FNDC3A: variants seen among roughly 807,000 people sequenced by gnomAD.
FNDC3A encodes fibronectin type-III domain-containing protein 3A.
Under a neutral mutation model 148.9 loss-of-function variants are expected in FNDC3A, and 32 were observed. That is an observed-to-expected ratio of 0.21 (90% CI 0.16 to 0.29). The LOEUF (loss-of-function observed/expected upper bound fraction) is 0.29, where lower values mean the gene tolerates loss of function less well. Among genes scored for constraint, FNDC3A ranks in the 10% least tolerant of loss-of-function variants. The probability of loss-of-function intolerance (pLI) is 1.00; values close to 1 mark genes in which losing one functional copy is unlikely to be tolerated. For synonymous variants in FNDC3A, 472 were observed against 473.6 expected (o/e 1.00, Z 0.04); for missense variants, 1,191 against 1,452.8 (o/e 0.82, Z 2.93).
intron 3 of FNDC3A, among the ~76,000 whole-genome samples, chr13:49,075,617 A>G (rs1388757095): frequency 6.6e-6 from 1 of 152,148 alleles, no homozygotes; most frequent in Non-Finnish European, 1.5e-5. Context: ...AGCAATCTTT[A>G]TCAAATCTAG....
intron 3 of FNDC3A, chr13:49,110,217 C>A (rs563389435): frequency 1.4e-5 from 9 of 631,206 alleles, no homozygotes; most frequent in Admixed American, 4.1e-5. Context: ...TTTTTTTCCC[C>A]CTTGCCCTTT....
intron 2 of FNDC3A, among the ~76,000 whole-genome samples, chr13:49,010,904 C>G (rs1052466803): frequency 1.3e-5 from 2 of 151,428 alleles, no homozygotes; most frequent in South Asian, 2.1e-4. Flanking sequence ...CTTGGTTTAA[C>G]TATTCTTTTG....
At chr13:49,073,527 C>A (rs1293863965) in intron 2 of FNDC3A, among the ~76,000 whole-genome samples, 1 of 151,702 alleles carries the variant, frequency 6.6e-6, no homozygotes, top group Non-Finnish European at 1.5e-5. Context: ...GGTCATATGA[C>A]AGGTTACAAT....
chr13:49,060,333 T>G (rs1876575430), intron 2 of FNDC3A, among the ~76,000 whole-genome samples: 1 of 152,158 alleles, frequency 6.6e-6, no homozygotes, highest in South Asian at 2.1e-4. Flanking sequence ...TACAATGGAA[T>G]GTTATTTAGC....
chr13:48,997,059 G>A (rs949764658), intron 1 of FNDC3A, among the ~76,000 whole-genome samples: 5 of 147,478 alleles, frequency 3.4e-5, no homozygotes, highest in Non-Finnish European at 6.0e-5. Flanking sequence ...GCGAGACTCC[G>A]TCTCAAGAAA....
At chr13:49,049,654 T>A (rs1875681245) in intron 2 of FNDC3A, among the ~76,000 whole-genome samples, 1 of 152,214 alleles carries the variant, frequency 6.6e-6, no homozygotes, top group East Asian at 1.9e-4. Context: ...TCAGTAGTAA[T>A]AGCTCCTGTT....
chr13:49,007,317 G>A (rs576023851), intron 2 of FNDC3A, among the ~76,000 whole-genome samples: 5 of 152,076 alleles, frequency 3.3e-5, no homozygotes, highest in Admixed American at 6.5e-5. Context: ...AGAAAGTGTT[G>A]TGTCCTGGTT....
intron 1 of FNDC3A, among the ~76,000 whole-genome samples, chr13:48,991,183 AT>A (rs1951909100): frequency 6.6e-6 from 1 of 152,208 alleles, no homozygotes; most frequent in Non-Finnish European, 1.5e-5. Flanking sequence ...AGACCCAAAT[AT>A]TTCACATCTA....
At position 49,071,882 on chromosome 13, in the gene FNDC3A, G is replaced by A. The variant is rs143367066; in HGVS notation, c.100-3407G>A. On this transcript the variant is annotated intron_variant, in intron 2 of 25. Coordinates refer to ENST00000492622, the MANE Select transcript of FNDC3A (RefSeq NM_001079673.2). ...TTTTAAGATAGGGTCTCACTATGTC[G>A]CCCAGGCTGGTCTCAAACTCCTGGG... Among the ~76,000 whole-genome samples the A allele has an allele frequency of 5.0e-3, 764 of 152,022 alleles. 12 individuals carry two copies. Among genetic ancestry groups the A allele is most frequent in the African/African-American group, 0.018 (728 of 41,478 alleles).
At chr13:49,168,878 A>C in intron 10 of FNDC3A, 127 bp downstream of exon 10, 2 of 814,042 alleles carry the variant, frequency 2.5e-6, no homozygotes, top group Non-Finnish European at 2.0e-6. Flanking sequence ...CATATAAGAC[A>C]CAAATGCCTA....
At chr13:49,182,824 G>A (rs187685975) in intron 14 of FNDC3A, among the ~76,000 whole-genome samples, 1 of 152,086 alleles carries the variant, frequency 6.6e-6, no homozygotes, top group East Asian at 1.9e-4. Flanking sequence ...TCTGCCCTAA[G>A]TGTGCCCTAG....
At chr13:49,113,696 T>C (rs1880732895) in intron 3 of FNDC3A, among the ~76,000 whole-genome samples, 1 of 152,190 alleles carries the variant, frequency 6.6e-6, no homozygotes, top group Admixed American at 6.5e-5. Flanking sequence ...AAATAAGTAA[T>C]TTCTTTGAAA....
At chr13:48,985,204 A>C (rs950639052) in intron 1 of FNDC3A, among the ~76,000 whole-genome samples, 2 of 152,232 alleles carry the variant, frequency 1.3e-5, no homozygotes, top group Non-Finnish European at 2.9e-5. Context: ...AATATGAAAA[A>C]GATAACCTGA....
chr13:49,053,734 C>T (rs1876023681), intron 2 of FNDC3A, among the ~76,000 whole-genome samples: 1 of 152,088 alleles, frequency 6.6e-6, no homozygotes, highest in African/African-American at 2.4e-5. Context: ...TCATATGCCT[C>T]CACCCCCAGA....
At chr13:49,129,406 C>T (rs1033882236) in intron 4 of FNDC3A, among the ~76,000 whole-genome samples, 2 of 152,188 alleles carry the variant, frequency 1.3e-5, no homozygotes, top group African/African-American at 4.8e-5. Flanking sequence ...ATATGAAGTA[C>T]AAGCCTCTTG....
At chr13:49,028,636 A>G (rs1178678245) in intron 2 of FNDC3A, among the ~76,000 whole-genome samples, 6 of 152,190 alleles carry the variant, frequency 3.9e-5, no homozygotes, top group Non-Finnish European at 8.8e-5. Context: ...TGACTATACT[A>G]ATAATTGACT....
At chr13:49,133,771 G>A (rs1207372150) in intron 5 of FNDC3A, among the ~76,000 whole-genome samples, 2 of 152,180 alleles carry the variant, frequency 1.3e-5, no homozygotes, top group Non-Finnish European at 2.9e-5. Context: ...GCTCAGAAAT[G>A]TTAAGTAATT....
intron 3 of FNDC3A, among the ~76,000 whole-genome samples, chr13:49,090,673 G>T (rs567656192): frequency 1.4e-3 from 170 of 124,150 alleles, no homozygotes; most frequent in African/African-American, 5.0e-3. Context: ...GTTTTCCCCC[G>T]TCTGGGAGCC....
At chr13:49,107,797 G>A (rs904519055) in intron 3 of FNDC3A, among the ~76,000 whole-genome samples, 1 of 152,168 alleles carries the variant, frequency 6.6e-6, no homozygotes, top group African/African-American at 2.4e-5. Flanking sequence ...ATTCATGAAA[G>A]GATTCCTGAG....
Sources: gnomAD v4.1 joint callset for allele counts (sites outside exome capture counted in the v4.1 genomes callset) on GRCh38, gnomAD v4.1.1 for gene constraint, MANE v1.5 for transcripts, NCBI Gene and HGNC (gene_info 2026-07-23, HGNC 2026-07-21) for gene names.